Variants in STT3B observed in about 807,000 individuals in gnomAD.
STT3B encodes dolichyl-diphosphooligosaccharide--protein glycosyltransferase subunit STT3B.
A neutral mutation model predicts 96.8 loss-of-function variants in STT3B; 29 were observed. The observed-to-expected ratio is 0.30, with a 90% CI of 0.22 to 0.41. STT3B has a LOEUF of 0.41. STT3B is among the 10% of genes least tolerant of loss of function. The pLI, the probability that STT3B is intolerant of heterozygous loss-of-function variation, is 1.00. For missense variants in STT3B, 640 were observed against 1,022.3 expected (o/e 0.63, Z 5.10); for synonymous variants, 367 against 360.0 (o/e 1.02, Z -0.22).
At chr3:31,601,239 G>A (rs1357850036) in intron 5 of STT3B, among the ~76,000 whole-genome samples, 3 of 152,118 alleles carry the variant, frequency 2.0e-5, no homozygotes, top group African/African-American at 7.2e-5. Context: ...TCATACAAAA[G>A]CTTCTATGTG....
chr3:31,619,934 C>A, intron 9 of STT3B, 104 bp downstream of exon 9: 1 of 1,510,648 alleles, frequency 6.6e-7, no homozygotes, highest in Non-Finnish European at 8.8e-7. Context: ...TCTATATATT[C>A]AAGATAAATT....
At chr3:31,626,561 T>C (rs1293425334) in intron 13 of STT3B, among the ~76,000 whole-genome samples, 5 of 152,184 alleles carry the variant, frequency 3.3e-5, no homozygotes, top group Admixed American at 2.0e-4. Flanking sequence ...AAGACTTCAA[T>C]AGATTAAGGG....
chr3:31,612,705 G>A (rs542505056), intron 5 of STT3B, among the ~76,000 whole-genome samples: 3 of 152,254 alleles, frequency 2.0e-5, no homozygotes, highest in Admixed American at 6.5e-5. Context: ...TGAATTGAGA[G>A]TATTATCGGG....
At chr3:31,628,358 T>G (rs1334994043) in intron 13 of STT3B, among the ~76,000 whole-genome samples, 3 of 152,234 alleles carry the variant, frequency 2.0e-5, no homozygotes, top group Non-Finnish European at 4.4e-5. Flanking sequence ...GGAGAACTTC[T>G]TTATTCCTTT....
chr3:31,560,529 A>G (rs1197367422), intron 1 of STT3B, among the ~76,000 whole-genome samples: 2 of 152,050 alleles, frequency 1.3e-5, no homozygotes, highest in Non-Finnish European at 2.9e-5. Flanking sequence ...TGCTGGATAT[A>G]GTATCATTAG....
Position 31,589,386 on chromosome 3 carries a change from C to T in STT3B, c.712-7412C>T, listed in dbSNP as rs116313087. Among the ~76,000 whole-genome samples the T allele has an allele frequency of 7.1e-3, 1,084 of 151,844 alleles. 12 individuals carry two copies. Among genetic ancestry groups the T allele is most frequent in the African/African-American group, 0.024 (995 of 41,456 alleles). On this transcript the variant is annotated intron_variant, in intron 3 of 15. Coordinates refer to ENST00000295770, the MANE Select transcript of STT3B (RefSeq NM_178862.3). ...TTTACGTAGACAATCATGTCATGCA[C>T]GAAAAAAAGTCAGCTTCATTTCTTC...
chr3:31,624,221 C>T (rs867180440), intron 11 of STT3B, among the ~76,000 whole-genome samples: 24 of 152,208 alleles, frequency 1.6e-4, no homozygotes, highest in Middle Eastern at 6.8e-3. Flanking sequence ...TAACCATCCC[C>T]GTGCACTCTC....
intron 5 of STT3B, among the ~76,000 whole-genome samples, chr3:31,607,931 C>G (rs1699092123): frequency 6.6e-6 from 1 of 151,904 alleles, no homozygotes; most frequent in Non-Finnish European, 1.5e-5. Context: ...CATTTTGTTG[C>G]CACAAAATAT....
chr3:31,543,651 CAT>C (rs1483567574), intron 1 of STT3B, among the ~76,000 whole-genome samples: 1 of 152,136 alleles, frequency 6.6e-6, no homozygotes, highest in Non-Finnish European at 1.5e-5. Context: ...TTTCAATACA[CAT>C]GTCATATTAT....
intron 1 of STT3B, among the ~76,000 whole-genome samples, chr3:31,546,566 A>T (rs1243460725): frequency 1.3e-5 from 2 of 152,208 alleles, no homozygotes; most frequent in African/African-American, 4.8e-5. Context: ...CAAAATACAC[A>T]CAGACCTAGC....
intron 1 of STT3B, among the ~76,000 whole-genome samples, chr3:31,569,765 C>A (rs563536933): frequency 6.6e-6 from 1 of 151,936 alleles, no homozygotes; most frequent in Admixed American, 6.6e-5. Flanking sequence ...TATTTCTAAG[C>A]CAGTTCACCT....
At chr3:31,596,369 C>T (rs536965576) in intron 3 of STT3B, among the ~76,000 whole-genome samples, 1 of 151,872 alleles carries the variant, frequency 6.6e-6, no homozygotes, top group Non-Finnish European at 1.5e-5. Flanking sequence ...CACCTCATTG[C>T]GTAGGGTGTG....
At chr3:31,604,887 C>A (rs1352351935) in intron 5 of STT3B, among the ~76,000 whole-genome samples, 2 of 152,100 alleles carry the variant, frequency 1.3e-5, no homozygotes, top group Non-Finnish European at 2.9e-5. Flanking sequence ...ATTCTTGCTC[C>A]CTTACTACTG....
At chr3:31,555,581 AG>A (rs1697685302) in intron 1 of STT3B, among the ~76,000 whole-genome samples, 1 of 152,098 alleles carries the variant, frequency 6.6e-6, no homozygotes. Flanking sequence ...TTTGAATCAT[AG>A]GCCCTTATTA....
intron 3 of STT3B, among the ~76,000 whole-genome samples, chr3:31,590,206 T>G (rs1466591212): frequency 2.0e-5 from 3 of 152,018 alleles, no homozygotes; most frequent in Non-Finnish European, 4.4e-5. Flanking sequence ...TTCCTGGTAC[T>G]GATAATTTGT....
chr3:31,625,756 G>T (rs1025256576), intron 12 of STT3B, among the ~76,000 whole-genome samples, 198 bp from the exon 13 acceptor site: 1 of 152,100 alleles, frequency 6.6e-6, no homozygotes, highest in Admixed American at 6.6e-5. Flanking sequence ...TCTGATTTTT[G>T]ACTGTAAATT....
rs1698346463 is a variant in STT3B, at chr3:31,579,905, G to A, written c.520G>A (p.Ala174Thr). Residue 174 changes from alanine to threonine, a missense_variant, in exon 3 of 16, where the codon GCA (alanine) becomes ACA (threonine). Physicochemically the swap from Ala to Thr is moderately conservative, Grantham distance 58. This residue lies in a region of STT3B where 267 missense variants were observed against 388.3 expected (regional missense o/e 0.69). Coordinates refer to ENST00000295770, the MANE Select transcript of STT3B (RefSeq NM_178862.3). ...VHIRDVCVFLAPTFSGLTSIS... is the reference protein window; with the variant it reads ...VHIRDVCVFLTPTFSGLTSIS... The stretch of plus-strand genomic sequence containing the variant: ...CATAAGAGACGTATGTGTGTTCCTT[G>A]CACCAACTTTTAGCGGCCTTACATC... The A allele has an allele frequency of 6.2e-7, 1 of 1,613,626 alleles. No homozygotes were observed. The highest frequency in any genetic ancestry group is 8.5e-7 in the Non-Finnish European group (1 of 1,179,798).
chr3:31,568,764 A>G (rs1575418108), intron 1 of STT3B, among the ~76,000 whole-genome samples: 1 of 152,208 alleles, frequency 6.6e-6, no homozygotes, highest in East Asian at 1.9e-4. Context: ...GTGTTTCAAT[A>G]TAAGATGAAA....
intron 3 of STT3B, among the ~76,000 whole-genome samples, chr3:31,582,095 C>G (rs1232813680): frequency 1.3e-5 from 2 of 152,078 alleles, no homozygotes; most frequent in African/African-American, 4.8e-5. Context: ...CTTAATCTAG[C>G]CAAAGATTTG....
Sources: gnomAD v4.1 joint callset for allele counts (sites outside exome capture counted in the v4.1 genomes callset) on GRCh38, gnomAD v4.1.1 for gene constraint, gnomAD v4.1.1 regional missense constraint, MANE v1.5 for transcripts, NCBI Gene and HGNC (gene_info 2026-07-23, HGNC 2026-07-21) for gene names.